Variants in CNGA1 observed in about 807,000 individuals in gnomAD.
CNGA1 encodes cyclic nucleotide-gated channel alpha-1.
Under a neutral mutation model 69.7 loss-of-function variants are expected in CNGA1, and 53 were observed. The observed-to-expected ratio is 0.76, with a 90% confidence interval of 0.61 to 0.96. CNGA1 has a LOEUF of 0.96. CNGA1 is among the 40% of genes least tolerant of loss of function. The pLI, the probability that CNGA1 is intolerant of heterozygous loss-of-function variation, is 0.00. For missense variants in CNGA1, 739 were observed against 811.2 expected, an observed-to-expected ratio of 0.91 and a Z score of 1.08; for synonymous variants, 249 against 283.5, an observed-to-expected ratio of 0.88 and a Z score of 1.22.
intron 2 of CNGA1, among the ~76,000 whole-genome samples, chr4:47,988,264 G>A (rs1193955800): frequency 1.3e-5 from 2 of 152,120 alleles, no homozygotes; most frequent in African/African-American, 4.8e-5. Flanking sequence ...AAGCAAGCTT[G>A]GGGTAGAGGG....
At position 47,937,332 on chromosome 4, in the gene CNGA1, T is replaced by C. The variant is rs1418458611; in HGVS notation, c.1150A>G (p.Ile384Val). The change falls in exon 11 of 11, where the codon ATT (isoleucine) becomes GTT (valine). Residue 384 changes from isoleucine to valine, a missense_variant. Transcript: ENST00000514170. ...ATGTTACCAACGATGGTAGCAAAAA[T>C]TAACACTCCAATTAGGAAATCAACC... ...VVVDFLIGVL[I>V]FATIVGNIGS... 1.9e-6 allele frequency: 3 copies of C among 1,614,068 alleles called. No individual in the cohort carries two copies. The highest frequency in any genetic ancestry group is 2.5e-6 in the Non-Finnish European group (3 of 1,180,034).
At position 47,949,898 on chromosome 4, in the gene CNGA1, G is replaced by A; in HGVS notation, c.225-3C>T. On this transcript the variant is annotated splice_polypyrimidine_tract_variant and splice_region_variant and intron_variant, in intron 5 of 10. Transcript: ENST00000514170. ...TGGCACCAGGCAGGTACTGCTCCCT[G>A]GGAAATGAAAAACATGCAGTGAAAT... is the stretch of plus-strand genomic sequence containing the variant. 3.1e-6 allele frequency: 5 copies of A among 1,613,690 alleles called. No individual in the cohort carries two copies. The highest frequency in any genetic ancestry group is 3.4e-6 in the Non-Finnish European group (4 of 1,179,680).
In CNGA1 at chr4:47,943,101, C is replaced by G. The variant is rs996596610; in HGVS notation, c.437+80G>C. 2.2e-5 allele frequency: 22 copies of G among 1,005,066 alleles called. No homozygotes were observed. In the South Asian group the frequency reaches 3.1e-4, roughly 14 times the overall value. 62.3% of individuals were successfully genotyped at this position (1,005,066 alleles called of 1,614,324 possible). Reference sequence around the variant, plus strand: ...CTCTTTACTATAAAGTTTCTTTCTACTTTGTATTATGGAAAATCATCCCTG... The same window carrying G: ...CTCTTTACTATAAAGTTTCTTTCTAGTTTGTATTATGGAAAATCATCCCTG... On this transcript the variant is annotated intron_variant, in intron 8 of 10. Transcript: ENST00000514170.
intron 10 of CNGA1, among the ~76,000 whole-genome samples, chr4:47,939,339 C>A (rs1439030034): frequency 1.3e-5 from 2 of 152,210 alleles, no homozygotes; most frequent in Non-Finnish European, 2.9e-5. Context: ...TGCCACACCC[C>A]AATTCCATGG....
chr4:47,966,372 T>TA (rs1460057333), intron 3 of CNGA1, among the ~76,000 whole-genome samples: 1 of 152,220 alleles, frequency 6.6e-6, no homozygotes, highest in South Asian at 2.1e-4. Flanking sequence ...TATACCCACT[T>TA]ACACACACAA....
At chr4:48,015,620 T>C (rs1715344920) in intron 1 of CNGA1, among the ~76,000 whole-genome samples, 1 of 152,154 alleles carries the variant, frequency 6.6e-6, no homozygotes, top group Non-Finnish European at 1.5e-5. Context: ...TTTTTTTTCT[T>C]GAGACAGGGT....
Position 47,995,739 on chromosome 4 carries a change from A to T in CNGA1, c.-122-14239T>A, listed in dbSNP as rs185050428. 8.6e-5 allele frequency among the ~76,000 whole-genome samples: 13 copies of T among 151,976 alleles called. No individual in the cohort carries two copies. In the East Asian group the frequency reaches 2.1e-3, roughly 25 times the overall value. On this transcript the variant is annotated intron_variant, in intron 2 of 10. Coordinates refer to ENST00000514170, the MANE Select transcript of CNGA1 (RefSeq NM_001379270.1). Reference sequence around the variant, plus strand: ...GAACATTGTTTTTTTATATTACCAGAGTTGGTTTTCTGGTTCCTTCTCATT... The same window carrying T: ...GAACATTGTTTTTTTATATTACCAGTGTTGGTTTTCTGGTTCCTTCTCATT...
At chr4:47,999,115 GAGAA>G (rs146363360) in intron 2 of CNGA1, among the ~76,000 whole-genome samples, 3,597 of 152,308 alleles carry the variant, frequency 0.024, 129 homozygotes, top group African/African-American at 0.082. Flanking sequence ...GATGTTTTGA[GAGAA>G]AGAGAGAGAG....
At chr4:47,937,969 A>T (rs1738782300) in intron 10 of CNGA1, 140 bp from the exon 11 acceptor site, 4 of 670,306 alleles carry the variant, frequency 6.0e-6, no homozygotes, top group Admixed American at 2.7e-5. Flanking sequence ...ATGTAATAAA[A>T]TACAAATACT....
intron 2 of CNGA1, among the ~76,000 whole-genome samples, chr4:47,984,345 T>C (rs978128876): frequency 6.6e-6 from 1 of 152,100 alleles, no homozygotes; most frequent in Non-Finnish European, 1.5e-5. Context: ...AGGCCCGGTG[T>C]GGTGGCTCAC....
intron 6 of CNGA1, among the ~76,000 whole-genome samples, chr4:47,945,998 A>G (rs138734812): frequency 6.6e-6 from 1 of 152,360 alleles, no homozygotes; most frequent in Non-Finnish European, 1.5e-5. Flanking sequence ...GGAAATGTAT[A>G]TAGTTGGTCA....
At chr4:47,982,874 G>A (rs1488257398) in intron 2 of CNGA1, among the ~76,000 whole-genome samples, 3 of 151,976 alleles carry the variant, frequency 2.0e-5, no homozygotes, top group East Asian at 1.9e-4. Flanking sequence ...GTGCCATCGC[G>A]GCTCACTGCA....
chr4:47,985,770 A>G (rs321619), intron 2 of CNGA1, among the ~76,000 whole-genome samples: 26,403 of 150,988 alleles, frequency 0.17, 2,463 homozygotes, highest in Middle Eastern at 0.24. Context: ...ACCCCCCCAA[A>G]AAAAACCATA....
intron 3 of CNGA1, among the ~76,000 whole-genome samples, chr4:47,961,948 T>C (rs1374390479): frequency 1.3e-5 from 2 of 152,184 alleles, no homozygotes; most frequent in Admixed American, 6.5e-5. Context: ...TAAATCTAAA[T>C]ATATAGATTG....
At chr4:47,943,153 C>T in intron 8 of CNGA1, 28 bp downstream of exon 8, 1 of 1,486,120 alleles carries the variant, frequency 6.7e-7, no homozygotes, top group South Asian at 1.1e-5. Flanking sequence ...CAATTTCCTT[C>T]TATTTCAATG....
intron 3 of CNGA1, among the ~76,000 whole-genome samples, chr4:47,958,721 T>C (rs1227463326): frequency 6.6e-6 from 1 of 152,094 alleles, no homozygotes; most frequent in African/African-American, 2.4e-5. Context: ...CTCTACACAC[T>C]GGCTACTACA....
intron 3 of CNGA1, among the ~76,000 whole-genome samples, chr4:47,968,540 A>G (rs1392494072): frequency 4.6e-5 from 7 of 152,164 alleles, no homozygotes; most frequent in South Asian, 4.1e-4. Flanking sequence ...AGTGTTAGTA[A>G]TGTCAAACAG....
intron 2 of CNGA1, among the ~76,000 whole-genome samples, chr4:48,003,396 T>A (rs1714749940): frequency 6.6e-6 from 1 of 152,206 alleles, no homozygotes; most frequent in Admixed American, 6.5e-5. Context: ...CCAACTTAAC[T>A]TTTTTCTTTA....
intron 3 of CNGA1, among the ~76,000 whole-genome samples, chr4:47,967,602 C>G (rs565227329): frequency 5.0e-4 from 76 of 152,242 alleles, no homozygotes; most frequent in Non-Finnish European, 9.7e-4. Context: ...GTGAATTTAG[C>G]AAGGTCACAG....
Sources: gnomAD v4.1 joint callset for allele counts (sites outside exome capture counted in the v4.1 genomes callset) on GRCh38, gnomAD v4.1.1 for gene constraint, MANE v1.5 for transcripts, NCBI Gene and HGNC (gene_info 2026-07-23, HGNC 2026-07-21) for gene names.